LRMDA: variants seen among roughly 807,000 people sequenced by gnomAD.
LRMDA encodes the protein leucine rich melanocyte differentiation associated.
A neutral mutation model predicts 29.8 loss-of-function variants in LRMDA; 18 were observed. That is an observed-to-expected ratio of 0.60 (90% CI 0.42 to 0.90). LRMDA has a LOEUF of 0.90. Among genes scored for constraint, LRMDA ranks in the 40% least tolerant of loss-of-function variants. The pLI is 0.00. For synonymous variants in LRMDA, 125 were observed against 109.4 expected, an observed-to-expected ratio of 1.14 and a Z score of -0.89; for missense variants, 273 against 273.9, an observed-to-expected ratio of 1.00 and a Z score of 0.02.
chr10:75,476,251 C>T lies in LRMDA; in HGVS notation c.131+37757C>T, dbSNP rs144189711. On this transcript the variant is annotated intron_variant, in intron 2 of 6. Coordinates refer to ENST00000611255, the MANE Select transcript of LRMDA (RefSeq NM_001305581.2). ...TTTTTAAAAAATCATTGCTTGTGAA[C>T]TTGGGGCCCTAAATAGAAATATTTT... Among the ~76,000 whole-genome samples the T allele has an allele frequency of 1.9e-3, 290 of 152,288 alleles. 2 individuals are homozygous for T. The highest frequency in any genetic ancestry group is 0.01 in the Middle Eastern group (3 of 294).
chr10:75,614,877 G>A (rs992502751), intron 2 of LRMDA, among the ~76,000 whole-genome samples: 11 of 152,194 alleles, frequency 7.2e-5, no homozygotes, highest in Middle Eastern at 3.4e-3. Context: ...GCCCATTGTG[G>A]AACATCTGTG....
intron 5 of LRMDA, among the ~76,000 whole-genome samples, chr10:76,304,137 G>A (rs1021474048): frequency 6.6e-6 from 1 of 152,114 alleles, no homozygotes; most frequent in Non-Finnish European, 1.5e-5. Context: ...TCATTCATCA[G>A]AGGAAAGGAA....
chr10:76,060,363 C>T (rs997198519), intron 5 of LRMDA, among the ~76,000 whole-genome samples: 2 of 152,168 alleles, frequency 1.3e-5, no homozygotes, highest in South Asian at 2.1e-4. Flanking sequence ...GGATGGGGCA[C>T]TCAGTGCATG....
intron 2 of LRMDA, among the ~76,000 whole-genome samples, chr10:75,734,292 C>A (rs998870555): frequency 6.6e-6 from 1 of 152,122 alleles, no homozygotes; most frequent in Non-Finnish European, 1.5e-5. Flanking sequence ...AGAATGAAAT[C>A]ACACATGGGC....
At chr10:75,944,003 A>G (rs2132412710) in intron 2 of LRMDA, among the ~76,000 whole-genome samples, 1 of 152,236 alleles carries the variant, frequency 6.6e-6, no homozygotes, top group East Asian at 1.9e-4. Context: ...TGTCTTTTCC[A>G]CTGATCTTCA....
intron 2 of LRMDA, among the ~76,000 whole-genome samples, chr10:75,544,408 GA>G (rs1256000113): frequency 6.6e-6 from 1 of 152,166 alleles, no homozygotes; most frequent in Non-Finnish European, 1.5e-5. Flanking sequence ...TGGGTAAGTG[GA>G]ATTTTTTAGG....
intron 6 of LRMDA, among the ~76,000 whole-genome samples, chr10:76,368,794 G>A (rs1196019316): frequency 6.6e-6 from 1 of 152,128 alleles, no homozygotes; most frequent in African/African-American, 2.4e-5. Flanking sequence ...AGTGTTAGGT[G>A]CATGTATGTT....
intron 2 of LRMDA, among the ~76,000 whole-genome samples, chr10:75,920,177 C>T (rs1193719370): frequency 3.3e-5 from 5 of 152,078 alleles, no homozygotes; most frequent in Non-Finnish European, 5.9e-5. Context: ...AGTGCTGGCT[C>T]CCTAGAGACC....
At chr10:75,639,540 C>G (rs1184687985) in intron 2 of LRMDA, among the ~76,000 whole-genome samples, 2 of 152,106 alleles carry the variant, frequency 1.3e-5, no homozygotes, top group African/African-American at 2.4e-5. Context: ...GTTGAGTGCT[C>G]CAGAACCAGT....
chr10:76,357,614 A>C (rs1412473548), intron 6 of LRMDA, among the ~76,000 whole-genome samples: 1 of 152,196 alleles, frequency 6.6e-6, no homozygotes, highest in African/African-American at 2.4e-5. Context: ...CACAGACAGC[A>C]GGGAAGCATG....
chr10:75,889,118 C>T (rs1392859386), intron 2 of LRMDA, among the ~76,000 whole-genome samples: 1 of 152,128 alleles, frequency 6.6e-6, no homozygotes, highest in Non-Finnish European at 1.5e-5. Context: ...GAATGGGAAT[C>T]CCTGCTCCAA....
intron 2 of LRMDA, among the ~76,000 whole-genome samples, chr10:75,540,950 C>G (rs1255682833): frequency 6.6e-6 from 1 of 151,576 alleles, no homozygotes; most frequent in Non-Finnish European, 1.5e-5. Flanking sequence ...GAGCTTAAAA[C>G]AAACTTAGGG....
intron 2 of LRMDA, among the ~76,000 whole-genome samples, chr10:75,467,918 G>A (rs1353216560): frequency 6.6e-5 from 10 of 151,076 alleles, no homozygotes; most frequent in East Asian, 3.9e-4. Context: ...CCGAGATCGC[G>A]TCACTGCACT....
chr10:76,433,523 G>A (rs1366517789), intron 6 of LRMDA, among the ~76,000 whole-genome samples: 4 of 152,200 alleles, frequency 2.6e-5, no homozygotes, highest in African/African-American at 7.2e-5. Context: ...TCCAGCTACA[G>A]ACAGGCTTGT....
intron 2 of LRMDA, among the ~76,000 whole-genome samples, chr10:76,025,457 C>T (rs747661885): frequency 5.9e-5 from 9 of 151,748 alleles, no homozygotes; most frequent in Non-Finnish European, 1.0e-4. Context: ...CTTACTGATA[C>T]GCTGTCCTGT....
intron 2 of LRMDA, among the ~76,000 whole-genome samples, chr10:75,440,003 A>G (rs925820330): frequency 6.6e-6 from 1 of 151,198 alleles, no homozygotes; most frequent in African/African-American, 2.4e-5. Flanking sequence ...CCGGATGTGG[A>G]TTTGAGGAGG....
intron 2 of LRMDA, among the ~76,000 whole-genome samples, chr10:75,836,678 G>A: frequency 6.6e-6 from 1 of 152,140 alleles, no homozygotes; most frequent in Non-Finnish European, 1.5e-5. Flanking sequence ...TCCTATGTCT[G>A]GAAATTCTTG....
intron 2 of LRMDA, among the ~76,000 whole-genome samples, chr10:75,620,344 C>A (rs774449007): frequency 6.6e-6 from 1 of 152,190 alleles, no homozygotes; most frequent in African/African-American, 2.4e-5. Context: ...GTAGACAGAA[C>A]ATTTCATTAA....
chr10:76,011,967 T>TAGG (rs781679637), intron 2 of LRMDA, among the ~76,000 whole-genome samples: 11 of 151,980 alleles, frequency 7.2e-5, no homozygotes, highest in Admixed American at 2.6e-4. Context: ...AAGTCCAGGA[T>TAGG]AGGAGGAGGA....
Sources: allele counts gnomAD v4.1 joint callset (sites outside exome capture counted in the v4.1 genomes callset), GRCh38; gene constraint gnomAD v4.1.1; transcripts MANE v1.5; gene names NCBI Gene and HGNC (gene_info 2026-07-23, HGNC 2026-07-21).